STYX: variants seen among roughly 807,000 people sequenced by gnomAD.
The protein encoded by STYX is serine/threonine/tyrosine interacting protein.
In STYX, 20 loss-of-function variants were observed where a neutral mutation model predicts 42.7. The observed-to-expected ratio is 0.47, with a 90% CI of 0.33 to 0.68. STYX has a LOEUF of 0.68. Ranked by LOEUF, STYX falls within the 30% of genes least tolerant of loss-of-function variation. STYX has a pLI of 0.02. For synonymous variants in STYX, 78 were observed against 81.9 expected, an observed-to-expected ratio of 0.95 and a Z score of 0.26; for missense variants, 226 against 268.5, an observed-to-expected ratio of 0.84 and a Z score of 1.11.
chr14:52,743,919 T>C (rs930429048), intron 1 of STYX, among the ~76,000 whole-genome samples: 1 of 152,126 alleles, frequency 6.6e-6, no homozygotes, highest in Non-Finnish European at 1.5e-5. Flanking sequence ...CCTCCCAGGC[T>C]CAAGCGATCT....
chr14:52,762,537 C>G (rs2139927992), intron 9 of STYX, among the ~76,000 whole-genome samples: 1 of 151,958 alleles, frequency 6.6e-6, no homozygotes, highest in South Asian at 2.1e-4. Context: ...TCTTTTTGTT[C>G]AGGATTTTGG....
At chr14:52,742,570 A>G (rs964459239) in intron 1 of STYX, among the ~76,000 whole-genome samples, 5 of 152,178 alleles carry the variant, frequency 3.3e-5, no homozygotes, top group Admixed American at 1.3e-4. Context: ...TTAGTGGTTC[A>G]TGAATCAGGC....
intron 1 of STYX, among the ~76,000 whole-genome samples, chr14:52,737,738 CTA>C (rs894663734): frequency 3.9e-5 from 6 of 152,122 alleles, no homozygotes; most frequent in African/African-American, 1.4e-4. Context: ...TAGAAGAAGA[CTA>C]TGAGCATTCA....
intron 1 of STYX, among the ~76,000 whole-genome samples, chr14:52,732,740 C>T (rs1331613656): frequency 2.6e-5 from 4 of 151,748 alleles, no homozygotes; most frequent in East Asian, 3.9e-4. Flanking sequence ...GCGTGATCTC[C>T]GCTCACTGCA....
intron 4 of STYX, among the ~76,000 whole-genome samples, chr14:52,751,552 G>C (rs1364014435): frequency 6.6e-6 from 1 of 152,118 alleles, no homozygotes; most frequent in Non-Finnish European, 1.5e-5. Flanking sequence ...GTATGTGAGA[G>C]TGACTCTTCC....
intron 2 of STYX, among the ~76,000 whole-genome samples, chr14:52,745,545 G>T (rs77433996): frequency 6.6e-6 from 1 of 152,238 alleles, no homozygotes; most frequent in African/African-American, 2.4e-5. Flanking sequence ...AGAGTTGTCT[G>T]TACAGCAAAT....
rs2139868621 is a variant in STYX, at chr14:52,730,438, C to T, written c.-37C>T. 2 of 1,610,026 alleles carry T rather than the reference C, an allele frequency of 1.2e-6. No homozygotes were observed. Among genetic ancestry groups the T allele is most frequent in the Non-Finnish European group, 1.7e-6 (2 of 1,178,194 alleles). On this transcript the variant is annotated 5_prime_UTR_variant, in exon 1 of 11. Transcript: ENST00000354586. ...CCGAGGGTCGGCCGGCTGTGTAACA[C>T]TCTCCCACCCCACCCACCAGCCCGC...
intron 9 of STYX, among the ~76,000 whole-genome samples, chr14:52,764,085 T>C (rs1012368098): frequency 2.6e-5 from 4 of 152,054 alleles, no homozygotes; most frequent in African/African-American, 9.7e-5. Flanking sequence ...CTCTGCCTCC[T>C]GGGTTCAAGT....
At chr14:52,747,974 G>A (rs1254978) in intron 3 of STYX, among the ~76,000 whole-genome samples, 74,502 of 152,062 alleles carry the variant, frequency 0.49, 18,360 homozygotes, top group Middle Eastern at 0.57. Flanking sequence ...CCTGGTTGAC[G>A]GAGTGAGACT....
intron 3 of STYX, among the ~76,000 whole-genome samples, chr14:52,749,363 A>AT (rs554395165): frequency 1.4e-4 from 21 of 151,718 alleles, no homozygotes; most frequent in East Asian, 5.8e-4. Context: ...CATATAAATT[A>AT]TTTTTTTTTA....
At chr14:52,757,948 G>C in intron 8 of STYX, 24 bp downstream of exon 8, 1 of 1,606,810 alleles carries the variant, frequency 6.2e-7, no homozygotes, top group Non-Finnish European at 8.5e-7. Context: ...CTAAAACCTA[G>C]CCACAGTTTA....
At chr14:52,758,021 A>T in intron 8 of STYX, 97 bp downstream of exon 8, 1 of 1,313,062 alleles carries the variant, frequency 7.6e-7, no homozygotes, top group Admixed American at 2.1e-5. Flanking sequence ...TATTCCCCTG[A>T]TTATTTTTCA....
intron 9 of STYX, among the ~76,000 whole-genome samples, chr14:52,767,413 T>C (rs775333150): frequency 2.6e-5 from 4 of 152,264 alleles, no homozygotes; most frequent in Non-Finnish European, 5.9e-5. Flanking sequence ...AGTTTTCATC[T>C]GCTTCATGGT....
At chr14:52,742,767 T>C (rs1057136080) in intron 1 of STYX, among the ~76,000 whole-genome samples, 1 of 151,902 alleles carries the variant, frequency 6.6e-6, no homozygotes, top group Non-Finnish European at 1.5e-5. Context: ...ATAACTGGCC[T>C]CCTTCTGATT....
chr14:52,736,335 C>A (rs187790155), intron 1 of STYX, among the ~76,000 whole-genome samples: 16 of 152,320 alleles, frequency 1.1e-4, no homozygotes, highest in Admixed American at 8.5e-4. Flanking sequence ...TAATACTTAC[C>A]TTTGTAACAT....
chr14:52,750,163 A>G (rs994759007), intron 3 of STYX, among the ~76,000 whole-genome samples: 3 of 152,196 alleles, frequency 2.0e-5, no homozygotes, highest in African/African-American at 7.2e-5. Flanking sequence ...TTTAAATGGT[A>G]AAAGGTTAAT....
chr14:52,744,284 T>C (rs1018830743), intron 1 of STYX, among the ~76,000 whole-genome samples: 2 of 152,356 alleles, frequency 1.3e-5, no homozygotes, highest in Admixed American at 6.5e-5. Flanking sequence ...TTTTGTGATA[T>C]GTGTTAAAAT....
chr14:52,773,057 A>T lies in STYX; in HGVS notation c.*1951A>T, dbSNP rs892263846. ...AATAATCTATGATGCTTCATTTAGC[A>T]GAAACTCTGCTTAAAAGAATCTTCA... On this transcript the variant is annotated 3_prime_UTR_variant, in exon 11 of 11. Transcript: ENST00000354586. The T allele has an allele frequency of 5.3e-4, 81 of 152,208 alleles. No individual in the cohort carries two copies. Among genetic ancestry groups the T allele is most frequent in the African/African-American group, 1.9e-3 (79 of 41,446 alleles). 9.4% of individuals were successfully genotyped at this position (152,208 alleles called of 1,614,324 possible).
chr14:52,771,164 G>T lies in STYX; in HGVS notation c.*58G>T. The T allele has an allele frequency of 6.8e-7, 1 of 1,463,112 alleles. No homozygotes were observed. The highest frequency in any genetic ancestry group is 1.3e-5 in the South Asian group (1 of 78,012). The allele number at this position is 1,463,112 out of a possible 1,614,324, so 90.6% of individuals were successfully genotyped here. ...TATTTGGGAAGGAGAAAATACAAGA[G>T]AAAATTATAATGTAAAATGGTAAAA... is the stretch of plus-strand genomic sequence containing the variant. On this transcript the variant is annotated 3_prime_UTR_variant, in exon 11 of 11. Coordinates refer to ENST00000354586, the MANE Select transcript of STYX (RefSeq NM_145251.4).
Sources: allele counts gnomAD v4.1 joint callset (sites outside exome capture counted in the v4.1 genomes callset), GRCh38; gene constraint gnomAD v4.1.1; transcripts MANE v1.5; gene names NCBI Gene and HGNC (gene_info 2026-07-23, HGNC 2026-07-21).